The following TMC5 variants were observed in gnomAD, a reference collection of about 807,000 sequenced individuals.
The protein encoded by TMC5 is transmembrane channel-like protein 5.
TMC5 carries 86 observed loss-of-function variants against 110.5 expected under a neutral mutation model. The ratio of observed to expected loss-of-function variants is 0.78; its 90% CI spans 0.65 to 0.93. The LOEUF is 0.93. Among genes scored for constraint, TMC5 ranks in the 40% least tolerant of loss-of-function variants. The pLI is 0.00. For synonymous variants in TMC5, 455 were observed against 439.5 expected (o/e 1.04, Z -0.44); for missense variants, 1,144 against 1,222.8 (o/e 0.94, Z 0.96).
At position 19,422,297 on chromosome 16, in the gene TMC5, GA is replaced by G. The variant is rs200885727; in HGVS notation, c.-308+4209del. 6.3e-3 allele frequency among the ~76,000 whole-genome samples: 963 copies of G among 152,012 alleles called. 10 individuals carry two copies. Among genetic ancestry groups the G allele is most frequent in the African/African-American group, 0.021 (878 of 41,470 alleles). The stretch of plus-strand genomic sequence containing the variant: ...TGACTCAAAGATATTTAAAGGGGGG[GA>G]AAAGAGAGAGAGAAAGAATTTGCTT... On this transcript the variant is annotated intron_variant, in intron 1 of 21. Transcript: ENST00000542583.
chr16:19,495,013 T>TGCAAATCTA (rs1597223407), intron 20 of TMC5, among the ~76,000 whole-genome samples: 1,182 of 45,060 alleles, frequency 0.026, 219 homozygotes, highest in South Asian at 0.057. Flanking sequence ...TGTCTATTCT[T>TGCAAATCTA]TTTTTTTTTT....
chr16:19,490,483 C>A lies in TMC5; in HGVS notation c.2662C>A (p.Arg888=). 6.2e-7 allele frequency: 1 copy of A among 1,614,142 alleles called. No homozygotes were observed. The change falls in exon 18 of 22, where the codon CGG becomes AGG. Residue 888 remains arginine, a synonymous_variant. Coordinates refer to ENST00000542583, the MANE Select transcript of TMC5 (RefSeq NM_001261841.2). ...CAGCTGGATCGACACCCTAAGTACA[C>A]GGCCTGGCTACCTGTGGGTTGTTTG... is the stretch of plus-strand genomic sequence containing the variant. ...IYSWIDTLST[R]PGYLWVVWIY...
At chr16:19,457,033 G>A (rs762663468) in intron 5 of TMC5, 5 of 1,586,034 alleles carry the variant, frequency 3.2e-6, no homozygotes, top group South Asian at 1.1e-5. Context: ...AAATGCTGGG[G>A]AAGAGAAGTA....
At chr16:19,411,915 TG>T (rs906445341) in intron 1 of TMC5, among the ~76,000 whole-genome samples, 4 of 152,336 alleles carry the variant, frequency 2.6e-5, no homozygotes, top group Non-Finnish European at 4.4e-5. Context: ...CCATGTTACC[TG>T]GGTGGTCTGT....
At chr16:19,470,925 A>T (rs1465837688) in intron 10 of TMC5, among the ~76,000 whole-genome samples, 1 of 151,860 alleles carries the variant, frequency 6.6e-6, no homozygotes, top group Non-Finnish European at 1.5e-5. Flanking sequence ...AATCCCAGCT[A>T]CTCAGGAGGC....
chr16:19,415,819 GTCTCTTCC>G (rs1217573433), upstream of TMC5, among the ~76,000 whole-genome samples: 1 of 151,994 alleles, frequency 6.6e-6, no homozygotes, highest in East Asian at 1.9e-4. Context: ...TATAACTCAG[GTCTCTTCC>G]ACAGGAGAAA....
intron 19 of TMC5, 72 bp downstream of exon 19, chr16:19,492,300 A>G (rs1567328739): frequency 1.8e-6 from 2 of 1,082,998 alleles, no homozygotes; most frequent in Admixed American, 1.8e-5. Context: ...CCTCCAAAAT[A>G]AAGAGAATAC....
chr16:19,447,834 A>T (rs1471729829), intron 4 of TMC5, among the ~76,000 whole-genome samples: 1 of 152,044 alleles, frequency 6.6e-6, no homozygotes, highest in Non-Finnish European at 1.5e-5. Flanking sequence ...AATTACAGGC[A>T]TACACCACCA....
intron 1 of TMC5, among the ~76,000 whole-genome samples, chr16:19,424,058 A>G (rs1210735226): frequency 1.3e-5 from 2 of 152,072 alleles, no homozygotes; most frequent in African/African-American, 4.8e-5. Context: ...CTGCCACCAC[A>G]GTTTTATTGA....
chr16:19,441,667 C>G (rs572736646), intron 3 of TMC5, among the ~76,000 whole-genome samples: 9 of 152,064 alleles, frequency 5.9e-5, no homozygotes, highest in Non-Finnish European at 8.8e-5. Context: ...GACTTTTCAC[C>G]AAAACTTTAC....
At chr16:19,456,515 G>A in intron 5 of TMC5, 1 of 1,367,434 alleles carries the variant, frequency 7.3e-7, no homozygotes. Context: ...GATGCAGGGA[G>A]TTATGTTGTG....
In TMC5 at chr16:19,436,273, G is replaced by GAAAAAAAAAAAAAAAA. The variant is rs750838547; in HGVS notation, c.-79-3676_-79-3675insAAAAAAAAAAAAAAAA. 4.1e-3 allele frequency among the ~76,000 whole-genome samples: 440 copies of GAAAAAAAAAAAAAAAA among 107,366 alleles called. 11 individuals are homozygous for GAAAAAAAAAAAAAAAA. Among genetic ancestry groups the GAAAAAAAAAAAAAAAA allele is most frequent in the East Asian group, 5.9e-3 (21 of 3,546 alleles). The allele number at this position is 107,366 out of a possible 152,430, so 70.4% of individuals were successfully genotyped here. ...AAAGAGCAAAAGTTCGTCTCAAAAA[G>GAAAAAAAAAAAAAAAA]AAAAAAAAAAAGAAAGGAAAAAGAA... On this transcript the variant is annotated intron_variant, in intron 2 of 21. Coordinates refer to ENST00000542583, the MANE Select transcript of TMC5 (RefSeq NM_001261841.2).
upstream of TMC5, among the ~76,000 whole-genome samples, chr16:19,413,904 G>A (rs1223830066): frequency 6.6e-6 from 1 of 152,166 alleles, no homozygotes; most frequent in African/African-American, 2.4e-5. Context: ...TGTAAACTGG[G>A]ATGATTCTAG....
chr16:19,435,358 C>T lies in TMC5; in HGVS notation c.-79-4602C>T, dbSNP rs933955918. Among the ~76,000 whole-genome samples, 41 of 149,472 alleles carry T rather than the reference C, an allele frequency of 2.7e-4. No homozygotes were observed. In the East Asian group the frequency reaches 7.1e-3, roughly 26 times the overall value. ...TACAAAAAAAAAAAAAAAAATTAGC[C>T]GGGCATGGTGGCGGGCACCTGTAGT... On this transcript the variant is annotated intron_variant, in intron 2 of 21. Coordinates refer to ENST00000542583, the MANE Select transcript of TMC5 (RefSeq NM_001261841.2).
intron 18 of TMC5, among the ~76,000 whole-genome samples, chr16:19,490,982 TTC>T (rs1331698943): frequency 2.4e-3 from 10 of 4,104 alleles, no homozygotes; most frequent in South Asian, 0.014. Flanking sequence ...TCCCTTCCCC[TTC>T]TCCTTCCTTC....
intron 1 of TMC5, among the ~76,000 whole-genome samples, chr16:19,412,731 G>C (rs555255924): frequency 4.6e-5 from 7 of 152,338 alleles, no homozygotes; most frequent in Admixed American, 3.9e-4. Context: ...CACTTAGTAG[G>C]TGCTCAATCA....
chr16:19,437,463 T>C lies in TMC5; in HGVS notation c.-79-2497T>C, dbSNP rs115971973. Among the ~76,000 whole-genome samples, 365 of 152,302 alleles carry C rather than the reference T, an allele frequency of 2.4e-3. 1 individual carries two copies. Among genetic ancestry groups the C allele is most frequent in the African/African-American group, 8.5e-3 (355 of 41,578 alleles). On this transcript the variant is annotated intron_variant, in intron 2 of 21. Transcript: ENST00000542583. ...CAGGGACACAATAATGAAACACAGA[T>C]GTCAACTATGCTGAGAAATTTGGAT...
chr16:19,473,722 G>A (rs1301877646), intron 11 of TMC5, among the ~76,000 whole-genome samples: 2 of 152,094 alleles, frequency 1.3e-5, no homozygotes, highest in Non-Finnish European at 2.9e-5. Context: ...GCTCATGCCT[G>A]TAATCCCAAC....
intron 6 of TMC5, chr16:19,462,391 C>T: frequency 1.7e-6 from 1 of 592,874 alleles, no homozygotes; most frequent in African/African-American, 1.9e-5. Flanking sequence ...GGGCAAAATC[C>T]CCCTAGGTTG....
Sources: gnomAD v4.1 joint callset for allele counts (sites outside exome capture counted in the v4.1 genomes callset) on GRCh38, gnomAD v4.1.1 for gene constraint, MANE v1.5 for transcripts, NCBI Gene and HGNC (gene_info 2026-07-23, HGNC 2026-07-21) for gene names.